The following AKAP7 variants were observed in gnomAD, a reference collection of about 807,000 sequenced individuals.
AKAP7 encodes the protein A-kinase anchoring protein 7.
A neutral mutation model predicts 39.5 loss-of-function variants in AKAP7; 39 were observed. The observed-to-expected ratio is 0.99, with a 90% confidence interval of 0.76 to 1.29. AKAP7 has a LOEUF of 1.29. Among genes scored for constraint, AKAP7 ranks in the 50% most tolerant of loss-of-function variants. The pLI is 0.00. For synonymous variants in AKAP7, 140 were observed against 139.1 expected (o/e 1.01, Z -0.05); for missense variants, 414 against 407.7 (o/e 1.02, Z -0.13).
In AKAP7 at chr6:131,219,695, AGT is replaced by A; in HGVS notation, c.738_739del (p.Lys246AsnfsTer26). ...AAAATAGATCCTGATTTATATGAAAAGTTTATCAGTCACAGATTTGGAGAAGA... is the reference window on the plus strand; with the variant it reads ...AAAATAGATCCTGATTTATATGAAAATTATCAGTCACAGATTTGGAGAAGA... On this transcript the variant is annotated frameshift_variant, in exon 7 of 8. Coordinates refer to ENST00000431975, the MANE Select transcript of AKAP7 (RefSeq NM_016377.4). LOFTEE classifies it high-confidence loss of function. The A allele has an allele frequency of 5.6e-6, 9 of 1,595,600 alleles. No individual in the cohort carries two copies. Among genetic ancestry groups the A allele is most frequent in the Non-Finnish European group, 7.7e-6 (9 of 1,171,998 alleles).
chr6:131,251,128 C>T (rs1027257790), intron 7 of AKAP7, among the ~76,000 whole-genome samples: 2 of 152,162 alleles, frequency 1.3e-5, no homozygotes, highest in African/African-American at 4.8e-5. Context: ...CCTGTGAGAC[C>T]ACTCTAAACA....
chr6:131,128,606 T>C, the AKAP7 span, among the ~76,000 whole-genome samples: 1 of 152,172 alleles, frequency 6.6e-6, no homozygotes, highest in African/African-American at 2.4e-5. Context: ...GCGGATCCCC[T>C]GAGGTCAGAA....
chr6:131,135,460 G>C (rs1800442995), upstream of AKAP7, among the ~76,000 whole-genome samples: 1 of 151,770 alleles, frequency 6.6e-6, no homozygotes, highest in Non-Finnish European at 1.5e-5. Context: ...ACTCGGGTCG[G>C]CCCCTTCTGG....
At chr6:131,184,565 TG>T in intron 5 of AKAP7, 1 of 725,916 alleles carries the variant, frequency 1.4e-6, no homozygotes, top group Non-Finnish European at 2.6e-6. Context: ...CCCATCATCA[TG>T]GGGGTGAAAT....
chr6:131,227,961 T>C (rs143122014), intron 7 of AKAP7, among the ~76,000 whole-genome samples: 1 of 152,180 alleles, frequency 6.6e-6, no homozygotes, highest in South Asian at 2.1e-4. Context: ...ATGAGGGCAG[T>C]AGTTCAGCCA....
chr6:131,242,912 C>A (rs933342129), intron 7 of AKAP7, among the ~76,000 whole-genome samples: 2 of 152,198 alleles, frequency 1.3e-5, no homozygotes, highest in Non-Finnish European at 2.9e-5. Context: ...GAGAAACCAA[C>A]ATCCTTCACA....
chr6:131,250,207 G>A (rs989388551), intron 7 of AKAP7: 6 of 1,005,682 alleles, frequency 6.0e-6, no homozygotes, highest in African/African-American at 5.2e-5. Context: ...GGTTTTTCTC[G>A]ACTACCTTTC....
intron 7 of AKAP7, among the ~76,000 whole-genome samples, chr6:131,240,084 T>C (rs915210354): frequency 6.6e-6 from 1 of 152,234 alleles, no homozygotes; most frequent in Non-Finnish European, 1.5e-5. Context: ...GATGGGGTTT[T>C]GGTGTGGATG....
chr6:131,235,797 T>G (rs1248098201), intron 7 of AKAP7, among the ~76,000 whole-genome samples: 2 of 152,246 alleles, frequency 1.3e-5, no homozygotes, highest in Admixed American at 6.5e-5. Context: ...TCATTATAGA[T>G]TCTGGATATT....
chr6:131,241,972 AAGAAACACAG>A (rs1811661210), intron 7 of AKAP7: 1 of 856,026 alleles, frequency 1.2e-6, no homozygotes, highest in Non-Finnish European at 1.4e-6. Flanking sequence ...ATGAGGGCTA[AAGAAACACAG>A]AGTATATTTT....
At chr6:131,164,966 A>G (rs1269865752) in intron 3 of AKAP7, 115 bp from the exon 4 acceptor site, 12 of 772,382 alleles carry the variant, frequency 1.6e-5, no homozygotes, top group Non-Finnish European at 2.2e-5. Flanking sequence ...GAATCTTAAC[A>G]TTGTTCTAAT....
intron 3 of AKAP7, among the ~76,000 whole-genome samples, chr6:131,163,969 C>A (rs1803230753): frequency 6.6e-6 from 1 of 151,816 alleles, no homozygotes; most frequent in Non-Finnish European, 1.5e-5. Context: ...TTGGAGGGGC[C>A]TGACTAAAGT....
intron 1 of AKAP7, chr6:131,136,899 G>GC: frequency 2.0e-6 from 2 of 982,772 alleles, no homozygotes; most frequent in Non-Finnish European, 2.4e-6. Context: ...GATGCCCTTA[G>GC]CCCTTTCCAG....
rs1562852502 is a variant in AKAP7 at position 131,135,515 on chromosome 6, CGGCTGCCGCCGCCGCTGCT to C, written c.-247_-229del. On this transcript the variant is annotated 5_prime_UTR_variant, in exon 1 of 8. Transcript: ENST00000431975. The stretch of plus-strand genomic sequence containing the variant: ...TGGCATGCGGGTGCTGCGGCTGCTG[CGGCTGCCGCCGCCGCTGCT>C]GCCGCTGCCGCGGGGGCTGCGGCTT... 2.7e-5 allele frequency among the ~76,000 whole-genome samples: 4 copies of C among 149,666 alleles called. No individual in the cohort carries two copies. The highest frequency in any genetic ancestry group is 4.5e-5 in the Non-Finnish European group (3 of 66,646).
chr6:131,135,113 T>C (rs1800426414), upstream of AKAP7, among the ~76,000 whole-genome samples: 1 of 152,220 alleles, frequency 6.6e-6, no homozygotes, highest in Non-Finnish European at 1.5e-5. Context: ...CTCGTTCTTG[T>C]ACATTTCGCT....
intron 7 of AKAP7, among the ~76,000 whole-genome samples, chr6:131,249,307 G>A (rs1562242886): frequency 3.3e-5 from 5 of 151,830 alleles, no homozygotes; most frequent in Admixed American, 3.3e-4. Flanking sequence ...CAGAAAAAAA[G>A]CATTGAAAAC....
At chr6:131,132,206 G>A (rs1248199081), upstream of AKAP7, among the ~76,000 whole-genome samples, 1 of 151,866 alleles carries the variant, frequency 6.6e-6, no homozygotes, top group Non-Finnish European at 1.5e-5. Flanking sequence ...CCATCTACTC[G>A]GGAAGTAGAG....
Position 131,247,309 on chromosome 6 carries a change from A to G in AKAP7, c.850+27501A>G, listed in dbSNP as rs1458881489. On this transcript the variant is annotated intron_variant, in intron 7 of 7. Transcript: ENST00000431975. ...TATATATATATATATATATATATATATATATGTTTTTTTTTTCTTTTTTTT... is the reference window on the plus strand; with the variant it reads ...TATATATATATATATATATATATATGTATATGTTTTTTTTTTCTTTTTTTT... 3.4e-3 allele frequency among the ~76,000 whole-genome samples: 171 copies of G among 50,698 alleles called. 3 individuals are homozygous for G. Among genetic ancestry groups the G allele is most frequent in the African/African-American group, 0.016 (162 of 9,926 alleles). 33.3% of individuals were successfully genotyped at this position (50,698 alleles called of 152,430 possible). A position where few individuals can be genotyped will look rare whatever the true frequency, so the allele number is the denominator to read the frequency against.
chr6:131,205,183 C>T lies in AKAP7; in HGVS notation c.702+5610C>T, dbSNP rs182381679. ...TAATGCGATATTCTGTAGTGATAAA[C>T]CAATTGAGATTTTTTTTTAATCATC... On this transcript the variant is annotated intron_variant, in intron 6 of 7. Transcript: ENST00000431975. 7.2e-5 allele frequency among the ~76,000 whole-genome samples: 11 copies of T among 152,076 alleles called. No individual in the cohort carries two copies. In the East Asian group the frequency reaches 2.1e-3, roughly 29 times the overall value.
Sources: gnomAD v4.1 joint callset for allele counts (sites outside exome capture counted in the v4.1 genomes callset) on GRCh38, gnomAD v4.1.1 for gene constraint, MANE v1.5 for transcripts, NCBI Gene and HGNC (gene_info 2026-07-23, HGNC 2026-07-21) for gene names.